WNT2B: variants seen among roughly 807,000 people sequenced by gnomAD.
WNT2B encodes Wnt family member 2B, also known as protein Wnt-2b.
A neutral mutation model predicts 40.5 loss-of-function variants in WNT2B; 19 were observed. The observed-to-expected ratio is 0.47, with a 90% confidence interval of 0.33 to 0.69. The LOEUF is 0.69. Ranked by LOEUF, WNT2B falls within the 30% of genes least tolerant of loss-of-function variation. The probability of loss-of-function intolerance (pLI) is 0.02; values close to 1 mark genes in which losing one functional copy is unlikely to be tolerated. For missense variants in WNT2B, 467 were observed against 556.4 expected (o/e 0.84, Z 1.62); for synonymous variants, 220 against 211.9 (o/e 1.04, Z -0.33).
chr1:112,489,353 G>A (rs1479997094), intron 1 of WNT2B, among the ~76,000 whole-genome samples: 1 of 151,918 alleles, frequency 6.6e-6, no homozygotes, highest in Non-Finnish European at 1.5e-5. Context: ...AAGGTCAGGA[G>A]TTCAAGACCA....
rs1654106342 is a variant in WNT2B, at chr1:112,529,961, G to C, written c.*9452G>C. 1 of 152,040 alleles carries C rather than the reference G, an allele frequency of 6.6e-6. No homozygotes were observed. The highest frequency in any genetic ancestry group is 1.5e-5 in the Non-Finnish European group (1 of 68,010). 9.4% of individuals were successfully genotyped at this position (152,040 alleles called of 1,614,324 possible). On this transcript the variant is annotated 3_prime_UTR_variant, in exon 5 of 5. Coordinates refer to ENST00000369684, the MANE Select transcript of WNT2B (RefSeq NM_024494.3). ...CCCTACCACCCAGAAATATGAATGT[G>C]CCTCCTTACCAATATGCTACAAATC...
chr1:112,520,357 C>T lies in WNT2B; in HGVS notation c.1024C>T (p.Arg342Ter). The T allele has an allele frequency of 2.5e-6, 4 of 1,614,042 alleles. No individual in the cohort carries two copies. Among genetic ancestry groups the T allele is most frequent in the East Asian group, 2.2e-5 (1 of 44,874 alleles). The change falls in exon 5 of 5, where the codon CGA (arginine) becomes TGA (stop). Residue 342 changes from arginine to a stop codon, truncating the protein, a stop_gained. Coordinates refer to ENST00000369684, the MANE Select transcript of WNT2B (RefSeq NM_024494.3). LOFTEE classifies it high-confidence loss of function. ...TDGCEIMCCGRGYDTTRVTRV... is the reference protein window; with the variant it reads ...TDGCEIMCCG The stretch of plus-strand genomic sequence containing the variant: ...CGGTTGTGAAATCATGTGCTGTGGC[C>T]GAGGGTACGACACAACTCGAGTCAC...
rs1282376931 is a variant in WNT2B, at chr1:112,524,844, C to T, written c.*4335C>T. On this transcript the variant is annotated 3_prime_UTR_variant, in exon 5 of 5. Transcript: ENST00000369684. ...GTTCTGCTCATCCTCCTCTCCCCAA[C>T]AATTAAAAAAAAAAGCAATTAGATT... The T allele has an allele frequency of 6.6e-6, 1 of 151,072 alleles. No individual in the cohort carries two copies. Among genetic ancestry groups the T allele is most frequent in the Non-Finnish European group, 1.5e-5 (1 of 67,812 alleles). The allele number at this position is 151,072 out of a possible 1,614,324, so 9.4% of individuals were successfully genotyped here.
intron 1 of WNT2B, among the ~76,000 whole-genome samples, chr1:112,490,133 AAC>A (rs1651550991): frequency 6.6e-6 from 1 of 152,132 alleles, no homozygotes; most frequent in South Asian, 2.1e-4. Flanking sequence ...TAAAGAAACA[AAC>A]AAGAGAGACA....
upstream of WNT2B, chr1:112,508,921 G>T (rs1652229389): frequency 1.8e-6 from 2 of 1,118,384 alleles, no homozygotes; most frequent in South Asian, 3.7e-5. The surrounding 1 kb of genome is among the most constrained non-coding windows in gnomAD (Gnocchi z 4.2). Context: ...CCTCGGCCCC[G>T]CCCCGTCCCG....
rs140115030 is a variant in WNT2B, at chr1:112,468,251, G to A, written c.-95+660G>A. Among the ~76,000 whole-genome samples the A allele has an allele frequency of 8.2e-3, 1,250 of 152,230 alleles. 17 individuals are homozygous for A. Among genetic ancestry groups the A allele is most frequent in the African/African-American group, 0.028 (1,176 of 41,528 alleles). ...TTATATCTTTGCTGTCATGAGTCGT[G>A]CTGTAATACACATCTGAACGCAGGC... On this transcript the variant is annotated intron_variant, in intron 1 of 4. Coordinates refer to the WNT2B transcript ENST00000256640.
rs1017252645 is a variant in WNT2B at position 112,509,670 on chromosome 1, G to C, written c.182+226G>C. 6.6e-6 allele frequency among the ~76,000 whole-genome samples: 1 copy of C among 152,220 alleles called. No homozygotes were observed. The highest frequency in any genetic ancestry group is 1.5e-5 in the Non-Finnish European group (1 of 68,042). ...CTGGGCATTCGGAGCAAGGATGCCC[G>C]GTGGTCGCGGCTCCTTAGGCCTCCA... On this transcript the variant is annotated intron_variant, in intron 1 of 4. Coordinates refer to ENST00000369684, the MANE Select transcript of WNT2B (RefSeq NM_024494.3). The surrounding 1 kb of genome is among the most constrained non-coding windows in gnomAD (Gnocchi z 4.2).
chr1:112,510,476 G>A (rs1019694027), intron 1 of WNT2B, among the ~76,000 whole-genome samples: 3 of 151,630 alleles, frequency 2.0e-5, no homozygotes, highest in African/African-American at 7.3e-5. Context: ...TCCTTACTCC[G>A]TTCTTCTTCC....
rs752230710 is a variant in WNT2B at position 112,522,042 on chromosome 1, T to G, written c.*1533T>G. 3 of 152,216 alleles carry G rather than the reference T, an allele frequency of 2.0e-5. No homozygotes were observed. The highest frequency in any genetic ancestry group is 4.4e-5 in the Non-Finnish European group (3 of 68,052). The allele number at this position is 152,216 out of a possible 1,614,324, so 9.4% of individuals were successfully genotyped here. A position where few individuals can be genotyped will look rare whatever the true frequency, so the allele number is the denominator to read the frequency against. ...GTTCTTTTTTTTCTTTCTTTTTATT[T>G]CTTTTAGAGATAGGGTCTCGCTTTG... On this transcript the variant is annotated 3_prime_UTR_variant, in exon 5 of 5. Transcript: ENST00000369684.
exon 1 of WNT2B, chr1:112,467,399 C>G: frequency 1.6e-6 from 1 of 626,154 alleles, no homozygotes; most frequent in Non-Finnish European, 2.9e-6. Context: ...CGAGGCCCAT[C>G]ACTGGCATGG....
chr1:112,490,416 A>G (rs1459534889), intron 1 of WNT2B, among the ~76,000 whole-genome samples: 1 of 152,180 alleles, frequency 6.6e-6, no homozygotes, highest in Non-Finnish European at 1.5e-5. Context: ...GTGTTCTTCC[A>G]AGTGTGAGTG....
chr1:112,496,669 T>C (rs351356), intron 1 of WNT2B, among the ~76,000 whole-genome samples: 90,085 of 151,090 alleles, frequency 0.6, 27,158 homozygotes, highest in South Asian at 0.67. Context: ...GGTATGATCT[T>C]GGCTCACCAC....
Position 112,525,059 on chromosome 1 carries a change from C to T in WNT2B, c.*4550C>T, listed in dbSNP as rs534765265. Reference sequence around the variant, plus strand: ...CAGTGGTGAAGAATTACCATCAAAGCAGAGTGGCTGAGACTGTATAAGTTC... The same window carrying T: ...CAGTGGTGAAGAATTACCATCAAAGTAGAGTGGCTGAGACTGTATAAGTTC... On this transcript the variant is annotated 3_prime_UTR_variant, in exon 5 of 5. Coordinates refer to ENST00000369684, the MANE Select transcript of WNT2B (RefSeq NM_024494.3). 3 of 152,312 alleles carry T rather than the reference C, an allele frequency of 2.0e-5. No homozygotes were observed. In the East Asian group the frequency reaches 5.8e-4, roughly 29 times the overall value. 9.4% of individuals were successfully genotyped at this position (152,312 alleles called of 1,614,324 possible). A position where few individuals can be genotyped will look rare whatever the true frequency, so the allele number is the denominator to read the frequency against.
At chr1:112,478,290 T>TA (rs200355435) in intron 1 of WNT2B, among the ~76,000 whole-genome samples, 5,428 of 150,568 alleles carry the variant, frequency 0.036, 151 homozygotes, top group Middle Eastern at 0.061. Context: ...GAAAGCTTAT[T>TA]AAAAAAAAAT....
At position 112,520,320 on chromosome 1, in the gene WNT2B, A is replaced by G. The variant is rs1396329528; in HGVS notation, c.987A>G (p.Ser329=). The G allele has an allele frequency of 2.5e-6, 4 of 1,614,078 alleles. No individual in the cohort carries two copies. The highest frequency in any genetic ancestry group is 2.7e-5 in the African/African-American group (2 of 74,928). Residue 329 remains serine, a synonymous_variant, in exon 5 of 5, where the codon TCA becomes TCG. Coordinates refer to ENST00000369684, the MANE Select transcript of WNT2B (RefSeq NM_024494.3). ...GTAGRVCSKT[S]KGTDGCEIMC... ...CAGGCCGTGTCTGCAGCAAGACATC[A>G]AAAGGAACAGACGGTTGTGAAATCA...
chr1:112,514,375 T>A (rs925138587), intron 1 of WNT2B, among the ~76,000 whole-genome samples: 5 of 152,174 alleles, frequency 3.3e-5, no homozygotes, highest in Non-Finnish European at 7.3e-5. Context: ...TTGCTCACTA[T>A]GTCTCTTCCC....
chr1:112,510,309 A>G (rs1652303977), intron 1 of WNT2B, among the ~76,000 whole-genome samples: 1 of 152,012 alleles, frequency 6.6e-6, no homozygotes, highest in African/African-American at 2.4e-5. Context: ...CCCGTAGGAG[A>G]AGGAGCTGCT....
intron 1 of WNT2B, among the ~76,000 whole-genome samples, chr1:112,469,148 G>GT (rs1650795967): frequency 6.6e-6 from 1 of 152,146 alleles, no homozygotes; most frequent in African/African-American, 2.4e-5. Flanking sequence ...TTTCAATTCT[G>GT]TTCCATTGGT....
At chr1:112,508,591 C>T (rs1652203686), upstream of WNT2B, among the ~76,000 whole-genome samples, 1 of 152,184 alleles carries the variant, frequency 6.6e-6, no homozygotes, top group African/African-American at 2.4e-5. The surrounding 1 kb of genome is among the most constrained non-coding windows in gnomAD (Gnocchi z 4.2). Flanking sequence ...TGCTCAGCGC[C>T]GGTGTCACTG....
Sources: gnomAD v4.1 joint callset for allele counts (sites outside exome capture counted in the v4.1 genomes callset) on GRCh38, gnomAD v4.1.1 for gene constraint, Gnocchi (gnomAD v3.1) non-coding constraint, MANE v1.5 for transcripts, NCBI Gene and HGNC (gene_info 2026-07-23, HGNC 2026-07-21) for gene names.